COL27A1: variants seen among roughly 807,000 people sequenced by gnomAD.
COL27A1 encodes the protein collagen type XXVII alpha 1 chain.
COL27A1 carries 106 observed loss-of-function variants against 251.3 expected under a neutral mutation model. The observed-to-expected ratio is 0.42, with a 90% CI of 0.36 to 0.50. COL27A1 has a LOEUF of 0.50. COL27A1 is among the 20% of genes least tolerant of loss of function. COL27A1 has a pLI of 0.00. For missense variants in COL27A1, 2,325 were observed against 2,522.8 expected (o/e 0.92, Z 1.68); for synonymous variants, 1,000 against 986.3 (o/e 1.01, Z -0.26).
chr9:114,204,433 G>A (rs376143042), intron 7 of COL27A1, among the ~76,000 whole-genome samples: 11 of 152,284 alleles, frequency 7.2e-5, no homozygotes, highest in Non-Finnish European at 1.3e-4. Context: ...TGGTTCTCTC[G>A]ACTCAGAGGC....
At chr9:114,228,062 G>C (rs58635948) in intron 14 of COL27A1, among the ~76,000 whole-genome samples, 1 of 152,116 alleles carries the variant, frequency 6.6e-6, no homozygotes, top group Non-Finnish European at 1.5e-5. Context: ...TCTCCCCTGG[G>C]GTTGCCCATG....
intron 12 of COL27A1, among the ~76,000 whole-genome samples, chr9:114,216,576 C>T (rs1830728707): frequency 6.6e-6 from 1 of 152,162 alleles, no homozygotes; most frequent in South Asian, 2.1e-4. Context: ...TTCTGGGCTG[C>T]AGTCTCCCCA....
At chr9:114,166,453 A>ATCCATCCGTCCATCCC in intron 2 of COL27A1, among the ~76,000 whole-genome samples, 1 of 151,554 alleles carries the variant, frequency 6.6e-6, no homozygotes, top group East Asian at 1.9e-4. Context: ...CTATCCATCC[A>ATCCATCCGTCCATCCC]TCCATCCATC....
intron 56 of COL27A1, among the ~76,000 whole-genome samples, chr9:114,303,304 T>A (rs1828800090): frequency 6.7e-6 from 1 of 149,752 alleles, no homozygotes; most frequent in Non-Finnish European, 1.5e-5. Context: ...AGTGGCACGA[T>A]CTCATCTCAC....
At chr9:114,242,160 T>A in intron 21 of COL27A1, 27 bp from the exon 22 acceptor site, 1 of 1,580,990 alleles carries the variant, frequency 6.3e-7, no homozygotes, top group African/African-American at 1.4e-5. Context: ...TTCTCCTTTT[T>A]TCCTCTCTCG....
At chr9:114,221,728 G>A (rs376558368) in intron 13 of COL27A1, among the ~76,000 whole-genome samples, 21 of 152,308 alleles carry the variant, frequency 1.4e-4, no homozygotes, top group East Asian at 9.7e-4. Context: ...GTGAGGGTGT[G>A]GGGTGCTGGG....
intron 49 of COL27A1, among the ~76,000 whole-genome samples, chr9:114,293,238 G>T (rs1373077726): frequency 6.6e-6 from 1 of 152,152 alleles, no homozygotes; most frequent in Non-Finnish European, 1.5e-5. Flanking sequence ...ATAACAGAGA[G>T]ATCTGAAAGA....
intron 3 of COL27A1, among the ~76,000 whole-genome samples, chr9:114,173,021 G>A (rs1460700769): frequency 6.6e-6 from 1 of 152,260 alleles, no homozygotes; most frequent in African/African-American, 2.4e-5. Context: ...GGGCACGAGA[G>A]CAACTGGCAG....
rs146040174 is a variant in COL27A1 at position 114,168,325 on chromosome 9, C to A, written c.770C>A (p.Pro257His). Residue 257 changes from proline (P) to histidine (H), a missense_variant, in exon 3 of 61, where the codon CCT becomes CAT. By Grantham distance (77) the Pro-to-His change is moderately conservative (BLOSUM62 -2). Coordinates refer to ENST00000356083, the MANE Select transcript of COL27A1 (RefSeq NM_032888.4). The stretch of plus-strand genomic sequence containing the variant: ...CTCTTCTCCCAAGACTCTGGCAGAC[C>A]TTTTACCTTCCAGTCCGACCTCGCC... ...GPLFSQDSGR[P>H]FTFQSDLALL... is the part of the protein sequence containing the mutation. 10 of 1,613,194 alleles carry A rather than the reference C, an allele frequency of 6.2e-6. No individual in the cohort carries two copies. The African/African-American group carries it at 1.2e-4, about 19-fold the overall frequency.
chr9:114,309,518 C>A, intron 60 of COL27A1, 40 bp downstream of exon 60: 1 of 1,518,572 alleles, frequency 6.6e-7, no homozygotes, highest in Non-Finnish European at 9.1e-7. Flanking sequence ...CATGTGGGGA[C>A]AACTGGAAAA....
intron 6 of COL27A1, among the ~76,000 whole-genome samples, chr9:114,195,385 G>A (rs899110952): frequency 6.6e-6 from 1 of 152,016 alleles, no homozygotes; most frequent in African/African-American, 2.4e-5. Context: ...TACCCCATGA[G>A]CCAGGACAGA....
At chr9:114,281,850 T>C (rs1482025609) in intron 37 of COL27A1, among the ~76,000 whole-genome samples, 12 of 152,106 alleles carry the variant, frequency 7.9e-5, no homozygotes, top group Non-Finnish European at 1.2e-4. Context: ...GCGGGTCTCA[T>C]TGGGGCCTAA....
chr9:114,253,497 A>G (rs1217996636), intron 27 of COL27A1, among the ~76,000 whole-genome samples: 5 of 151,242 alleles, frequency 3.3e-5, no homozygotes, highest in Admixed American at 2.6e-4. Flanking sequence ...GGAAGGAATG[A>G]AGGAAGGAAG....
rs1290281761 is a variant in COL27A1 at position 114,169,072 on chromosome 9, C to G, written c.1517C>G (p.Thr506Arg). Residue 506 changes from threonine (T) to arginine (R), a missense_variant, in exon 3 of 61, where the codon ACG becomes AGG. Physicochemically the swap from Thr to Arg is moderately conservative, Grantham distance 71. Around this residue, in one of 4 missense-constraint regions of COL27A1, gnomAD observed 1,183 missense variants for 1,144.1 expected, o/e 1.03. Coordinates refer to ENST00000356083, the MANE Select transcript of COL27A1 (RefSeq NM_032888.4). ...GSTRSTRPPA[T>R]MVPPTSGTST... The stretch of plus-strand genomic sequence containing the variant: ...ACCAGGAGTACTCGGCCACCAGCCA[C>G]GATGGTACCTCCAACTTCGGGCACC... The G allele has an allele frequency of 6.2e-7, 1 of 1,614,066 alleles. No homozygotes were observed.
rs757128525 is a variant in COL27A1, at chr9:114,162,734, A to G, written c.82A>G (p.Ile28Val). The G allele has an allele frequency of 1.9e-6, 3 of 1,611,836 alleles. No homozygotes were observed. The highest frequency in any genetic ancestry group is 2.5e-6 in the Non-Finnish European group (3 of 1,179,430). The stretch of plus-strand genomic sequence containing the variant: ...CTCTAGGGGGTTTCTCTTCTCCTGG[A>G]TCTTAGTCTCGTTTGCCTGTCACCT... ...ARGGGFLFSW[I>V]LVSFACHLAS... The change falls in exon 2 of 61, where the codon ATC becomes GTC. Residue 28 changes from isoleucine to valine, a missense_variant. Physicochemically the swap from Ile to Val is conservative, Grantham distance 29 (BLOSUM62 3). This residue lies in a region of COL27A1 where 1,183 missense variants were observed against 1,144.1 expected (regional missense o/e 1.03). Coordinates refer to ENST00000356083, the MANE Select transcript of COL27A1 (RefSeq NM_032888.4).
chr9:114,285,397 G>A (rs1051007973), intron 41 of COL27A1, among the ~76,000 whole-genome samples: 10 of 152,108 alleles, frequency 6.6e-5, no homozygotes, highest in African/African-American at 2.4e-4. Context: ...CAAGGTGTTG[G>A]TGTGGTGTCA....
intron 32 of COL27A1, among the ~76,000 whole-genome samples, chr9:114,265,806 C>A (rs953277719): frequency 6.6e-6 from 1 of 152,214 alleles, no homozygotes; most frequent in Non-Finnish European, 1.5e-5. Context: ...TAAGAGTAAA[C>A]GAACAAGCTG....
intron 41 of COL27A1, among the ~76,000 whole-genome samples, chr9:114,285,237 A>G (rs1443670091): frequency 6.6e-6 from 1 of 152,168 alleles, no homozygotes; most frequent in Non-Finnish European, 1.5e-5. Context: ...GGAAGGAGCC[A>G]CCAAGGCAGA....
intron 16 of COL27A1, among the ~76,000 whole-genome samples, chr9:114,235,038 C>T (rs1482979884): frequency 1.4e-5 from 2 of 146,428 alleles, no homozygotes; most frequent in Non-Finnish European, 1.5e-5. Context: ...AAGATTGCAC[C>T]ACTGCTCTCC....
Sources: allele counts gnomAD v4.1 joint callset (sites outside exome capture counted in the v4.1 genomes callset), GRCh38; gene constraint gnomAD v4.1.1; regional missense constraint gnomAD v4.1.1; transcripts MANE v1.5; gene names NCBI Gene and HGNC (gene_info 2026-07-23, HGNC 2026-07-21).